Variants in WRN observed in about 807,000 individuals in gnomAD.
WRN encodes the protein WRN RecQ like helicase.
WRN carries 149 observed loss-of-function variants against 180.7 expected under a neutral mutation model. The observed-to-expected ratio is 0.82, with a 90% CI of 0.72 to 0.94. The LOEUF is 0.94. Ranked by LOEUF, WRN falls within the 40% of genes least tolerant of loss-of-function variation. WRN has a pLI of 0.00. For missense variants in WRN, 1,661 were observed against 1,700.1 expected (o/e 0.98, Z 0.40); for synonymous variants, 548 against 568.9 (o/e 0.96, Z 0.52).
chr8:31,167,276 T>C, intron 34 of WRN, 46 bp downstream of exon 34: 1 of 1,506,960 alleles, frequency 6.6e-7, no homozygotes, highest in Non-Finnish European at 9.1e-7. Context: ...GTTTGTTCAA[T>C]TTGCATATCC....
At chr8:31,166,581 A>T (rs1273476719) in intron 33 of WRN, among the ~76,000 whole-genome samples, 2 of 152,174 alleles carry the variant, frequency 1.3e-5, no homozygotes, top group African/African-American at 4.8e-5. Flanking sequence ...TACAGGTACG[A>T]TTAGCTTCTA....
chr8:31,100,787 A>G (rs1814190780), intron 17 of WRN, 62 bp from the exon 18 acceptor site: 5 of 1,355,220 alleles, frequency 3.7e-6, no homozygotes, highest in South Asian at 1.2e-5. Context: ...GGAGATGTAG[A>G]TGAGTTTATT....
In WRN at chr8:31,125,032, A is replaced by G. The variant is rs191694924; in HGVS notation, c.2825+32A>G. 199 of 1,583,018 alleles carry G rather than the reference A, an allele frequency of 1.3e-4. No homozygotes were observed. The East Asian group carries it at 2.6e-3, about 21-fold the overall frequency. ...ATTTCTTATTATAGATGGACATTCT[A>G]AAAGTCTTTCTTTCTCTTCCTTTTC... On this transcript the variant is annotated intron_variant, in intron 23 of 34. Coordinates refer to ENST00000298139, the MANE Select transcript of WRN (RefSeq NM_000553.6).
intron 34 of WRN, among the ~76,000 whole-genome samples, chr8:31,170,687 G>A (rs554129398): frequency 1.1e-3 from 169 of 152,256 alleles, no homozygotes; most frequent in South Asian, 2.1e-3. Flanking sequence ...AAGATGTAAA[G>A]AGCCCCTTAA....
Position 31,167,230 on chromosome 8 carries a change from G to A in WRN, c.4191G>A (p.Glu1397=), listed in dbSNP as rs369276959. The A allele has an allele frequency of 7.8e-5, 126 of 1,609,610 alleles. No individual in the cohort carries two copies. The highest frequency in any genetic ancestry group is 1.3e-4 in the Admixed American group (8 of 59,786). Residue 1397 remains glutamate, a splice_region_variant and synonymous_variant, in exon 34 of 35, where the codon GAG becomes GAA. Transcript: ENST00000298139. ...AGGAAGAAGTAGGCATCAATACTGA[G>A]GTATTAATTATATATAGAATTTTCA... ...RSKEEVGINT[E]TSSAERKRRL...
chr8:31,160,169 T>G (rs2130491482), intron 33 of WRN, among the ~76,000 whole-genome samples: 1 of 152,334 alleles, frequency 6.6e-6, no homozygotes, highest in South Asian at 2.1e-4. Context: ...ATTCTGCTTC[T>G]ATATCACTTC....
rs1804257063 is a variant in WRN, at chr8:31,175,806, A to G, written c.*2704A>G. 6.6e-6 allele frequency among the ~76,000 whole-genome samples: 1 copy of G among 152,266 alleles called. No individual in the cohort carries two copies. The highest frequency in any genetic ancestry group is 1.5e-5 in the Non-Finnish European group (1 of 68,052). On this transcript the variant is annotated 3_prime_UTR_variant, in exon 35 of 35. Coordinates refer to ENST00000298139, the MANE Select transcript of WRN (RefSeq NM_000553.6). ...CAGACAATGAGATTTGCAAAATGTA[A>G]ACAATGCTGCTGTTCTCAGTTTTTA...
intron 1 of WRN, among the ~76,000 whole-genome samples, chr8:31,058,142 G>A (rs1812345503): frequency 1.3e-5 from 2 of 152,132 alleles, no homozygotes; most frequent in African/African-American, 4.8e-5. Flanking sequence ...AAGACTCAAA[G>A]TCATAAAATA....
At chr8:31,064,779 C>T in intron 4 of WRN, 136 bp from the exon 5 acceptor site, 2 of 1,092,754 alleles carry the variant, frequency 1.8e-6, no homozygotes, top group Non-Finnish European at 1.3e-6. Flanking sequence ...TTAAGAAATA[C>T]TCAAGGTCAA....
chr8:31,161,375 C>G (rs1026204276), intron 33 of WRN, among the ~76,000 whole-genome samples: 1 of 152,122 alleles, frequency 6.6e-6, no homozygotes, highest in African/African-American at 2.4e-5. Context: ...TTAAACAAAC[C>G]TAGATGGTAT....
chr8:31,097,367 C>G (rs776415322), intron 17 of WRN, among the ~76,000 whole-genome samples: 16 of 152,066 alleles, frequency 1.1e-4, no homozygotes, highest in Non-Finnish European at 1.9e-4. Context: ...ATTTAACAGG[C>G]CTGGGTTGGC....
At chr8:31,141,288 G>A in intron 24 of WRN, 142 bp from the exon 25 acceptor site, 2 of 957,818 alleles carry the variant, frequency 2.1e-6, no homozygotes, top group South Asian at 1.6e-5. Context: ...TTCAGAATGA[G>A]CACGATGGGT....
At chr8:31,058,093 A>G (rs1418197648) in intron 1 of WRN, among the ~76,000 whole-genome samples, 1 of 152,208 alleles carries the variant, frequency 6.6e-6, no homozygotes, top group Non-Finnish European at 1.5e-5. Flanking sequence ...CATATACCCA[A>G]GGATTTTCAT....
rs1804205692 is a variant in WRN, at chr8:31,174,404, T to G, written c.*1302T>G. On this transcript the variant is annotated 3_prime_UTR_variant, in exon 35 of 35. Transcript: ENST00000298139. ...TGAGTTGCCAATTGAATTTGCTGCTTTTTTTCATGGCTTGCCATTTTCACT... is the reference window on the plus strand; with the variant it reads ...TGAGTTGCCAATTGAATTTGCTGCTGTTTTTCATGGCTTGCCATTTTCACT... Among the ~76,000 whole-genome samples, 1 of 152,196 alleles carries G rather than the reference T, an allele frequency of 6.6e-6. No homozygotes were observed. The highest frequency in any genetic ancestry group is 1.5e-5 in the Non-Finnish European group (1 of 68,048).
intron 33 of WRN, among the ~76,000 whole-genome samples, 170 bp downstream of exon 33, chr8:31,157,700 C>G (rs1287494945): frequency 6.6e-6 from 1 of 152,072 alleles, no homozygotes; most frequent in Non-Finnish European, 1.5e-5. Flanking sequence ...CATTATCACT[C>G]AGAGGAAAGT....
intron 7 of WRN, among the ~76,000 whole-genome samples, chr8:31,072,799 TACAAACCAA>T (rs1343878621): frequency 1.3e-5 from 2 of 152,206 alleles, no homozygotes; most frequent in Admixed American, 1.3e-4. Flanking sequence ...CGGGAAAATT[TACAAACCAA>T]GCAAACCATG....
intron 1 of WRN, among the ~76,000 whole-genome samples, chr8:31,048,714 C>T (rs1811966511): frequency 1.3e-5 from 2 of 152,160 alleles, no homozygotes; most frequent in Non-Finnish European, 2.9e-5. Flanking sequence ...AGCTGCTTCT[C>T]AGTAAAAATA....
rs568802552 is a variant in WRN at position 31,115,680 on chromosome 8, T to C, written c.2274-674T>C. On this transcript the variant is annotated intron_variant, in intron 19 of 34. Transcript: ENST00000298139. Reference sequence around the variant, plus strand: ...TTGTCAGCATAAATGAATGCACTTATGTAAATGAATATTTTTAGGCGTTAA... The same window carrying C: ...TTGTCAGCATAAATGAATGCACTTACGTAAATGAATATTTTTAGGCGTTAA... 8.5e-5 allele frequency among the ~76,000 whole-genome samples: 13 copies of C among 152,320 alleles called. No homozygotes were observed. The South Asian group carries it at 1.4e-3, about 17-fold the overall frequency.
At chr8:31,122,594 G>A (rs544836038) in intron 21 of WRN, among the ~76,000 whole-genome samples, 22 of 151,744 alleles carry the variant, frequency 1.4e-4, no homozygotes, top group Admixed American at 1.1e-3. Flanking sequence ...ATCTCGGTCC[G>A]GTAGATCTTT....
Sources: gnomAD v4.1 joint callset for allele counts (sites outside exome capture counted in the v4.1 genomes callset) on GRCh38, gnomAD v4.1.1 for gene constraint, MANE v1.5 for transcripts, NCBI Gene and HGNC (gene_info 2026-07-23, HGNC 2026-07-21) for gene names.